The following TBCK variants were observed in gnomAD, a reference collection of about 807,000 sequenced individuals.
TBCK encodes the protein TBC domain-containing protein kinase-like protein.
Under a neutral mutation model 113.4 loss-of-function variants are expected in TBCK, and 99 were observed. The ratio of observed to expected loss-of-function variants is 0.87; its 90% CI spans 0.74 to 1.03. The LOEUF is 1.03. Among genes scored for constraint, TBCK ranks in the 50% least tolerant of loss-of-function variants. The probability of loss-of-function intolerance (pLI) is 0.00; values close to 1 mark genes in which losing one functional copy is unlikely to be tolerated. For missense variants in TBCK, 1,045 were observed against 1,061.3 expected (o/e 0.98, Z 0.21); for synonymous variants, 369 against 370.8 (o/e 1.00, Z 0.05).
At chr4:106,107,181 A>G (rs745550065) in intron 24 of TBCK, among the ~76,000 whole-genome samples, 26 of 152,198 alleles carry the variant, frequency 1.7e-4, no homozygotes, top group Non-Finnish European at 2.6e-4. Flanking sequence ...CCCACACAAT[A>G]ATAGTGGGAA....
chr4:106,078,104 C>G (rs2149487901), intron 25 of TBCK, among the ~76,000 whole-genome samples: 1 of 152,178 alleles, frequency 6.6e-6, no homozygotes, highest in Middle Eastern at 3.4e-3. Context: ...TGAAAACAGA[C>G]ACAACATACC....
rs182805740 is a variant in TBCK, at chr4:106,143,338, T to G, written c.2236-26960A>C. ...CTTGTGCATACTTCAATTTCTACAT[T>G]GAGAAAAGTGGCATTTACTCATTTG... On this transcript the variant is annotated intron_variant, in intron 23 of 25. Coordinates refer to ENST00000394708, the MANE Select transcript of TBCK (RefSeq NM_001163435.3). Among the ~76,000 whole-genome samples the G allele has an allele frequency of 2.5e-3, 388 of 152,254 alleles. 2 individuals carry two copies. The highest frequency in any genetic ancestry group is 4.3e-3 in the Admixed American group (66 of 15,292).
chr4:106,210,886 TTG>T (rs1756051667), intron 20 of TBCK, among the ~76,000 whole-genome samples: 1 of 152,228 alleles, frequency 6.6e-6, no homozygotes, highest in African/African-American at 2.4e-5. Context: ...TTATTTGTCC[TTG>T]TGTGTTTCCT....
chr4:106,295,039 C>A, intron 3 of TBCK, 55 bp downstream of exon 3: 1 of 1,468,462 alleles, frequency 6.8e-7, no homozygotes, highest in Non-Finnish European at 9.3e-7. Flanking sequence ...AACAAAATGC[C>A]TTTTTGTTTG....
At chr4:106,105,901 T>A (rs982539242) in intron 24 of TBCK, among the ~76,000 whole-genome samples, 1 of 152,152 alleles carries the variant, frequency 6.6e-6, no homozygotes, top group African/African-American at 2.4e-5. Context: ...GAGTTCTTAA[T>A]CATGCCGAAC....
chr4:106,303,228 T>G (rs978110883), intron 2 of TBCK, among the ~76,000 whole-genome samples: 1 of 152,188 alleles, frequency 6.6e-6, no homozygotes, highest in Non-Finnish European at 1.5e-5. Context: ...TCAAATCAAT[T>G]TTGAAAAGTC....
intron 2 of TBCK, chr4:106,297,574 A>T (rs1314653758): frequency 3.3e-5 from 5 of 152,210 alleles, no homozygotes; most frequent in Admixed American, 3.3e-4. Flanking sequence ...ATATTTTCAC[A>T]CTAAAGCCCA....
intron 20 of TBCK, among the ~76,000 whole-genome samples, chr4:106,194,973 T>G (rs557549969): frequency 6.6e-6 from 1 of 152,228 alleles, no homozygotes; most frequent in Admixed American, 6.6e-5. Flanking sequence ...GTGAATCATA[T>G]CTAACTGGAT....
At chr4:106,175,577 T>C (rs987802554) in intron 22 of TBCK, among the ~76,000 whole-genome samples, 2 of 152,026 alleles carry the variant, frequency 1.3e-5, no homozygotes, top group Non-Finnish European at 2.9e-5. Flanking sequence ...ACTATATACA[T>C]TCACTCACTC....
At chr4:106,080,200 C>CA (rs113225137) in intron 25 of TBCK, among the ~76,000 whole-genome samples, 4,622 of 140,338 alleles carry the variant, frequency 0.033, 107 homozygotes, top group Middle Eastern at 0.047. Context: ...TGGCATGAAC[C>CA]AAAAAAAAAA....
At position 106,248,986 on chromosome 4, in the gene TBCK, TA is replaced by T. The variant is rs1761135955; in HGVS notation, c.659-5del. ...ATTAAAGTGTCATCTACACAATCTA[TA>T]AAACAGAAAAACTATATGAATAAAT... On this transcript the variant is annotated splice_polypyrimidine_tract_variant and splice_region_variant and intron_variant, in intron 7 of 25. Coordinates refer to ENST00000394708, the MANE Select transcript of TBCK (RefSeq NM_001163435.3). 3 of 1,587,982 alleles carry T rather than the reference TA, an allele frequency of 1.9e-6. No individual in the cohort carries two copies. Among genetic ancestry groups the T allele is most frequent in the Non-Finnish European group, 2.6e-6 (3 of 1,169,288 alleles).
chr4:106,183,734 C>G (rs766263547), intron 22 of TBCK, among the ~76,000 whole-genome samples: 1 of 152,052 alleles, frequency 6.6e-6, no homozygotes, highest in Non-Finnish European at 1.5e-5. Flanking sequence ...TATTGCTAAA[C>G]ATTATTGGAT....
chr4:106,176,556 T>C (rs1054679231), intron 22 of TBCK, among the ~76,000 whole-genome samples: 2 of 152,076 alleles, frequency 1.3e-5, no homozygotes. Context: ...TGTTTTTATG[T>C]ACGTTTTCTT....
intron 1 of TBCK, among the ~76,000 whole-genome samples, chr4:106,313,385 A>G (rs529674113): frequency 7.8e-4 from 119 of 152,320 alleles, no homozygotes; most frequent in Middle Eastern, 6.8e-3. Flanking sequence ...AAAAAGGAAA[A>G]AAAAAAAGTT....
intron 25 of TBCK, 54 bp downstream of exon 25, chr4:106,095,428 A>T: frequency 6.7e-7 from 1 of 1,500,166 alleles, no homozygotes; most frequent in Non-Finnish European, 9.1e-7. Context: ...CTTCATATAG[A>T]AGGCAGGTAA....
At chr4:106,073,218 C>T (rs1360171212) in intron 25 of TBCK, among the ~76,000 whole-genome samples, 2 of 152,314 alleles carry the variant, frequency 1.3e-5, no homozygotes, top group East Asian at 3.9e-4. Context: ...GCTCTGGTTT[C>T]TCCCTATCTT....
Position 106,262,164 on chromosome 4 carries a change from C to T in TBCK, c.315G>A (p.Gln105=), listed in dbSNP as rs1402986145. 3 of 1,548,470 alleles carry T rather than the reference C, an allele frequency of 1.9e-6. No individual in the cohort carries two copies. Among genetic ancestry groups the T allele is most frequent in the African/African-American group, 1.4e-5 (1 of 72,886 alleles). Residue 105 remains glutamine (Q), a synonymous_variant, in exon 4 of 26, where the codon CAG becomes CAA. Coordinates refer to ENST00000394708, the MANE Select transcript of TBCK (RefSeq NM_001163435.3). ...GTACTATACCATGTTTGTTCATATA[C>T]TGCAAGCCCTGAAGAACCTCAAATG... The part of the protein sequence containing the change: ...CIAFEVLQGL[Q]YMNKHGIVHR...
intron 19 of TBCK, among the ~76,000 whole-genome samples, chr4:106,227,094 T>C (rs944393607): frequency 1.3e-5 from 2 of 152,096 alleles, no homozygotes; most frequent in Non-Finnish European, 2.9e-5. Flanking sequence ...CTCAACTTTA[T>C]ACAAGTCCAC....
chr4:106,147,219 C>G (rs902391625), intron 23 of TBCK, among the ~76,000 whole-genome samples: 4 of 152,194 alleles, frequency 2.6e-5, no homozygotes, highest in Non-Finnish European at 5.9e-5. Flanking sequence ...ATATTGTGAT[C>G]TCCTTCCATG....
Sources: gnomAD v4.1 joint callset for allele counts (sites outside exome capture counted in the v4.1 genomes callset) on GRCh38, gnomAD v4.1.1 for gene constraint, MANE v1.5 for transcripts, NCBI Gene and HGNC (gene_info 2026-07-23, HGNC 2026-07-21) for gene names.